NCOR2: variants seen among roughly 807,000 people sequenced by gnomAD.
NCOR2 encodes nuclear receptor corepressor 2.
NCOR2 carries 81 observed loss-of-function variants against 262.9 expected under a neutral mutation model. The observed-to-expected ratio is 0.31, with a 90% CI of 0.26 to 0.37. The LOEUF is 0.37. NCOR2 is among the 10% of genes least tolerant of loss of function. The pLI is 1.00. For synonymous variants in NCOR2, 1,659 were observed against 1,559.3 expected (o/e 1.06, Z -1.51); for missense variants, 3,385 against 3,621.4 (o/e 0.93, Z 1.68).
chr12:124,479,373 GCA>G (rs200579269), intron 3 of NCOR2, among the ~76,000 whole-genome samples: 7 of 151,304 alleles, frequency 4.6e-5, no homozygotes, highest in Middle Eastern at 3.4e-3. Context: ...GCACACTCAC[GCA>G]CACACACAAA....
At chr12:124,346,742 G>A in exon 31 of NCOR2, 1 of 1,559,746 alleles carries the variant, frequency 6.4e-7, no homozygotes. Flanking sequence ...GTAGGCCTCG[G>A]TCAGGTCCCG....
At chr12:124,433,932 T>G in intron 8 of NCOR2, among the ~76,000 whole-genome samples, 1 of 102,316 alleles carries the variant, frequency 9.8e-6, no homozygotes, top group African/African-American at 3.8e-5. Context: ...ACTGGAGCCG[T>G]CCCCCTCCCG....
At chr12:124,506,279 C>T (rs1216463266) in intron 1 of NCOR2, among the ~76,000 whole-genome samples, 1 of 151,052 alleles carries the variant, frequency 6.6e-6, no homozygotes, top group Non-Finnish European at 1.5e-5. Context: ...GTGCCCAAAC[C>T]CCCGGCCCTC....
chr12:124,417,779 G>A (rs150747223), intron 13 of NCOR2, among the ~76,000 whole-genome samples: 15 of 152,304 alleles, frequency 9.8e-5, no homozygotes, highest in South Asian at 4.1e-4. Flanking sequence ...ACACCGTAGC[G>A]GCTGAGCACA....
At chr12:124,367,924 G>T (rs1045503206) in intron 20 of NCOR2, among the ~76,000 whole-genome samples, 1 of 152,190 alleles carries the variant, frequency 6.6e-6, no homozygotes, top group Non-Finnish European at 1.5e-5. Context: ...ATGAGCCACC[G>T]CGACCGGCCT....
chr12:124,477,204 T>C (rs574881489), intron 3 of NCOR2, among the ~76,000 whole-genome samples: 52 of 152,308 alleles, frequency 3.4e-4, no homozygotes, highest in African/African-American at 9.6e-4. Context: ...GTGGAGGTCA[T>C]TGAATCATGG....
intron 16 of NCOR2, among the ~76,000 whole-genome samples, chr12:124,392,596 C>G (rs534308728): frequency 2.6e-5 from 4 of 152,218 alleles, no homozygotes; most frequent in Admixed American, 6.5e-5. Flanking sequence ...CACTGCCTAC[C>G]GGCCCGCCCA....
At chr12:124,463,620 G>A (rs897912103) in intron 5 of NCOR2, among the ~76,000 whole-genome samples, 3 of 152,256 alleles carry the variant, frequency 2.0e-5, no homozygotes, top group Non-Finnish European at 2.9e-5. Context: ...GGGAAGCTGC[G>A]TTTTCCGGCT....
intron 7 of NCOR2, among the ~76,000 whole-genome samples, chr12:124,438,487 C>CG (rs1314247171): frequency 1.3e-5 from 2 of 151,896 alleles, no homozygotes; most frequent in South Asian, 2.1e-4. Flanking sequence ...AGTCCTGCTG[C>CG]GGGGGGAGGG....
upstream of NCOR2, among the ~76,000 whole-genome samples, chr12:124,497,121 GTTT>G (rs2048421085): frequency 6.6e-6 from 1 of 152,248 alleles, no homozygotes; most frequent in Non-Finnish European, 1.5e-5. The surrounding 1 kb of genome is among the most constrained non-coding windows in gnomAD (Gnocchi z 4.2). Flanking sequence ...CCCAAGCTGG[GTTT>G]CTGTCACATG....
chr12:124,348,267 A>C (rs2037112677), exon 29 of NCOR2: 1 of 1,612,894 alleles, frequency 6.2e-7, no homozygotes, highest in African/African-American at 1.3e-5. Flanking sequence ...GGGGGTCCTG[A>C]GCTGCTTCTG....
chr12:124,345,845 AGCC>A (rs2135854001), intron 31 of NCOR2, among the ~76,000 whole-genome samples: 1 of 152,260 alleles, frequency 6.6e-6, no homozygotes, highest in African/African-American at 2.4e-5. Context: ...ACAGCCCCAC[AGCC>A]CCGTGGTGGC....
intron 13 of NCOR2, among the ~76,000 whole-genome samples, chr12:124,412,598 G>C (rs1011369555): frequency 1.3e-5 from 2 of 152,226 alleles, no homozygotes; most frequent in African/African-American, 4.8e-5. Context: ...CCAAACACCT[G>C]GGAAGGGCCG....
In NCOR2 at chr12:124,377,852, C is replaced by A. The variant is rs200335772; in HGVS notation, c.2167+385G>T. ...AGACTCCGTCTGAAAAAAAAAAAAACAAAAAAAAACTTTTCCAAAGTAAAT... is the reference window on the plus strand; with the variant it reads ...AGACTCCGTCTGAAAAAAAAAAAAAAAAAAAAAAACTTTTCCAAAGTAAAT... On this transcript the variant is annotated intron_variant, in intron 18 of 46. Transcript: ENST00000405201. 5.3e-3 allele frequency among the ~76,000 whole-genome samples: 773 copies of A among 146,770 alleles called. 32 individuals carry two copies. The East Asian group carries it at 0.11, about 20-fold the overall frequency.
intron 5 of NCOR2, among the ~76,000 whole-genome samples, chr12:124,465,762 A>G (rs1409414084): frequency 6.6e-6 from 1 of 152,198 alleles, no homozygotes; most frequent in Non-Finnish European, 1.5e-5. Context: ...GACTGACAGG[A>G]GGGGCTGCTC....
chr12:124,484,214 G>A (rs747751336), intron 2 of NCOR2, among the ~76,000 whole-genome samples: 1 of 152,184 alleles, frequency 6.6e-6, no homozygotes, highest in African/African-American at 2.4e-5. Flanking sequence ...ACAGATAACA[G>A]CACCCGTGAT....
At chr12:124,556,846 G>C (rs1338532953) in intron 1 of NCOR2, among the ~76,000 whole-genome samples, 1 of 134,786 alleles carries the variant, frequency 7.4e-6, no homozygotes, top group African/African-American at 3.1e-5. Context: ...AAGACTCTTT[G>C]TCTCAAAAAA....
chr12:124,491,738 G>A (rs930451818), intron 1 of NCOR2, among the ~76,000 whole-genome samples: 9 of 152,296 alleles, frequency 5.9e-5, no homozygotes, highest in Middle Eastern at 6.8e-3. Context: ...CAGGAGAGGA[G>A]GAGGCGTTGA....
Position 124,554,761 on chromosome 12 carries a change from G to C in NCOR2, c.-165+12547C>G, listed in dbSNP as rs540271933. On this transcript the variant is annotated intron_variant, in intron 1 of 32. Transcript: ENST00000458234. ...CGCTGCGGCAAGGGGGCAGCGCCCA[G>C]GGCCCAGGTGCCGGGAGATGCAGCT... Among the ~76,000 whole-genome samples, 11 of 152,388 alleles carry C rather than the reference G, an allele frequency of 7.2e-5. No individual in the cohort carries two copies. In the East Asian group the frequency reaches 2.1e-3, roughly 29 times the overall value.
Sources: gnomAD v4.1 joint callset for allele counts (sites outside exome capture counted in the v4.1 genomes callset) on GRCh38, gnomAD v4.1.1 for gene constraint, Gnocchi (gnomAD v3.1) non-coding constraint, MANE v1.5 for transcripts, NCBI Gene and HGNC (gene_info 2026-07-23, HGNC 2026-07-21) for gene names.